SLC26A11: variants seen among roughly 807,000 people sequenced by gnomAD.
The protein encoded by SLC26A11 is solute carrier family 26 member 11, also known as sodium-independent sulfate anion transporter.
SLC26A11 carries 58 observed loss-of-function variants against 62.2 expected under a neutral mutation model. The ratio of observed to expected loss-of-function variants is 0.93; its 90% CI spans 0.76 to 1.16. The LOEUF is 1.16. SLC26A11 is among the 50% of genes most tolerant of loss of function. SLC26A11 has a pLI of 0.00. For missense variants in SLC26A11, 790 were observed against 794.3 expected, an observed-to-expected ratio of 0.99 and a Z score of 0.06; for synonymous variants, 411 against 368.9, an observed-to-expected ratio of 1.11 and a Z score of -1.31.
chr17:80,221,559 A>G lies in SLC26A11; in HGVS notation c.-2A>G, dbSNP rs752883092. On this transcript the variant is annotated 5_prime_UTR_variant, in exon 3 of 18. Coordinates refer to ENST00000361193, the MANE Select transcript of SLC26A11 (RefSeq NM_001166347.2). ...CCTGCACCCCCCAGCCCCACCGTAG[A>G]GATGCCTTCTTCGGTGACGGCGCTG... is the stretch of plus-strand genomic sequence containing the variant. 4 of 1,588,518 alleles carry G rather than the reference A, an allele frequency of 2.5e-6. No homozygotes were observed. Among genetic ancestry groups the G allele is most frequent in the Non-Finnish European group, 3.4e-6 (4 of 1,171,814 alleles).
chr17:80,237,682 C>T (rs1272430108), intron 9 of SLC26A11, 88 bp downstream of exon 9: 4 of 1,273,584 alleles, frequency 3.1e-6, no homozygotes, highest in Non-Finnish European at 4.4e-6. Context: ...TTATCCGTTA[C>T]TAGTTTTAGA....
In SLC26A11 at chr17:80,246,048, C is replaced by T. The variant is rs1358278103; in HGVS notation, c.1098-106C>T. On this transcript the variant is annotated intron_variant, in intron 11 of 17. Transcript: ENST00000361193. This position sits in a 1 kb window ranked among gnomAD's most constrained non-coding sequence, Gnocchi z 4.4. ...TGCAGTCCCCGCCTGCTTCCCAAGC[C>T]GTGCTGGGAGCTGACGTCCCCTCGG... is the stretch of plus-strand genomic sequence containing the variant. 2.0e-5 allele frequency: 27 copies of T among 1,370,786 alleles called. 1 individual carries two copies. Among genetic ancestry groups the T allele is most frequent in the Admixed American group, 1.5e-4 (9 of 58,698 alleles). The allele number at this position is 1,370,786 out of a possible 1,614,324, so 84.9% of individuals were successfully genotyped here.
chr17:80,241,755 C>T lies in SLC26A11; in HGVS notation c.986-16C>T, dbSNP rs548305934. The stretch of plus-strand genomic sequence containing the variant: ...TGAATATTACTGACCAGGTCTTTAC[C>T]GTTGGTTCCCTTTAGCATCTCAGAA... On this transcript the variant is annotated splice_polypyrimidine_tract_variant and intron_variant, in intron 9 of 17. Coordinates refer to ENST00000361193, the MANE Select transcript of SLC26A11 (RefSeq NM_001166347.2). The T allele has an allele frequency of 1.4e-5, 22 of 1,613,784 alleles. No homozygotes were observed. Among genetic ancestry groups the T allele is most frequent in the East Asian group, 6.7e-5 (3 of 44,898 alleles).
chr17:80,230,843 G>T lies in SLC26A11; in HGVS notation c.736+2883G>T, dbSNP rs549907810. Among the ~76,000 whole-genome samples the T allele has an allele frequency of 8.5e-5, 13 of 152,298 alleles. No individual in the cohort carries two copies. In the South Asian group the frequency reaches 1.9e-3, roughly 22 times the overall value. On this transcript the variant is annotated intron_variant, in intron 7 of 17. Transcript: ENST00000361193. Reference sequence around the variant, plus strand: ...CTTTTGATTCTTATAACAGCTTTGAGAATGAGTTTATTATTTTTTCCATTT... The same window carrying T: ...CTTTTGATTCTTATAACAGCTTTGATAATGAGTTTATTATTTTTTCCATTT...
intron 7 of SLC26A11, 161 bp from the exon 8 acceptor site, chr17:80,236,767 T>G: frequency 8.1e-6 from 6 of 742,844 alleles, no homozygotes; most frequent in Non-Finnish European, 1.3e-5. Context: ...CCACATAGCA[T>G]TTATGTCTGT....
At chr17:80,249,085 C>T in intron 15 of SLC26A11, 69 bp from the exon 16 acceptor site, 1 of 1,550,506 alleles carries the variant, frequency 6.4e-7, no homozygotes, top group Non-Finnish European at 8.7e-7. Flanking sequence ...CCAGAGCCTC[C>T]TTTGGCCTCT....
At chr17:80,233,768 G>C (rs9916806) in intron 7 of SLC26A11, among the ~76,000 whole-genome samples, 69,205 of 151,438 alleles carry the variant, frequency 0.46, 15,984 homozygotes, top group East Asian at 0.61. Context: ...TTGTAGAGAT[G>C]GTGTCTTCCT....
chr17:80,233,220 A>G (rs1017305259), intron 7 of SLC26A11, among the ~76,000 whole-genome samples: 1 of 151,834 alleles, frequency 6.6e-6, no homozygotes, highest in Non-Finnish European at 1.5e-5. Flanking sequence ...TGAAGCTGCA[A>G]ACTCCTGGGC....
chr17:80,224,368 TGA>T (rs1365328968), intron 5 of SLC26A11, among the ~76,000 whole-genome samples: 2 of 146,078 alleles, frequency 1.4e-5, no homozygotes, highest in African/African-American at 2.6e-5. Context: ...TGAGGGAGTG[TGA>T]GTGCGCGCGC....
chr17:80,246,109 T>C lies in SLC26A11; in HGVS notation c.1098-45T>C, dbSNP rs34818744. Reference sequence around the variant, plus strand: ...ACAGGAGTGTGGACTGAGGTCTCCCTTTTCCCGGCCCCTGGTGACTGACGG... The same window carrying C: ...ACAGGAGTGTGGACTGAGGTCTCCCCTTTCCCGGCCCCTGGTGACTGACGG... On this transcript the variant is annotated intron_variant, in intron 11 of 17. Transcript: ENST00000361193. The surrounding 1 kb of genome is among the most constrained non-coding windows in gnomAD (Gnocchi z 4.4). The C allele has an allele frequency of 0.26, 418,048 of 1,609,126 alleles. 55,844 individuals are homozygous for C. The highest frequency in any genetic ancestry group is 0.39 in the Admixed American group (23,470 of 59,958).
In SLC26A11 at chr17:80,228,646, A is replaced by G. The variant is rs1020280804; in HGVS notation, c.736+686A>G. Among the ~76,000 whole-genome samples, 3 of 152,224 alleles carry G rather than the reference A, an allele frequency of 2.0e-5. No individual in the cohort carries two copies. The highest frequency in any genetic ancestry group is 4.4e-5 in the Non-Finnish European group (3 of 68,046). On this transcript the variant is annotated intron_variant, in intron 7 of 17. Coordinates refer to ENST00000361193, the MANE Select transcript of SLC26A11 (RefSeq NM_001166347.2). This position sits in a 1 kb window ranked among gnomAD's most constrained non-coding sequence, Gnocchi z 4.1. The stretch of plus-strand genomic sequence containing the variant: ...GCGAGGAGGGGCCAGGAATGCCACT[A>G]AGCCCCTGACGGCGCACAGCCTTCC...
At chr17:80,233,594 T>TTA (rs2042616563) in intron 7 of SLC26A11, among the ~76,000 whole-genome samples, 1 of 151,678 alleles carries the variant, frequency 6.6e-6, no homozygotes, top group African/African-American at 2.4e-5. Context: ...ATTTTTTTTT[T>TTA]TTTATTTGAC....
chr17:80,246,451 G>A lies in SLC26A11; in HGVS notation c.1154-58G>A, dbSNP rs565984961. 6.3e-5 allele frequency: 100 copies of A among 1,597,730 alleles called. No individual in the cohort carries two copies. In the African/African-American group the frequency reaches 1.1e-3, roughly 17 times the overall value. On this transcript the variant is annotated intron_variant, in intron 12 of 17. Coordinates refer to ENST00000361193, the MANE Select transcript of SLC26A11 (RefSeq NM_001166347.2). This position sits in a 1 kb window ranked among gnomAD's most constrained non-coding sequence, Gnocchi z 4.4. The stretch of plus-strand genomic sequence containing the variant: ...GCTCTGCTGAACAAGAGGCTGCTAC[G>A]CTGCGTGCTGGGGGGACCCTGCACT...
chr17:80,220,814 G>T (rs1166123387), intron 1 of SLC26A11, 102 bp from the exon 2 acceptor site: 1 of 153,406 alleles, frequency 6.5e-6, no homozygotes, highest in African/African-American at 2.4e-5. Context: ...GGCCGGGGGC[G>T]TGGGGGGCTG....
rs761465147 is a variant in SLC26A11 at position 80,248,589 on chromosome 17, G to T, written c.1437G>T (p.Pro479=). The change falls in exon 15 of 18, where the codon CCG becomes CCT. Residue 479 remains proline, a synonymous_variant. Transcript: ENST00000361193. ...CCTCCCCACAGGTGTCAGAGGGGCC[G>T]GTTCTGGTCCTGCAGCCGGCCAGCG... ...ARPETKVSEG[P]VLVLQPASGL... The T allele has an allele frequency of 6.3e-7, 1 of 1,584,634 alleles. No homozygotes were observed. Among genetic ancestry groups the T allele is most frequent in the South Asian group, 1.2e-5 (1 of 86,642 alleles).
intron 9 of SLC26A11, among the ~76,000 whole-genome samples, chr17:80,239,922 C>T (rs1242982982): frequency 2.0e-5 from 3 of 152,232 alleles, no homozygotes; most frequent in African/African-American, 2.4e-5. Flanking sequence ...TCAGTTGGAG[C>T]GTGGCTGTGC....
chr17:80,222,778 C>T lies in SLC26A11; in HGVS notation c.358C>T (p.Pro120Ser). 1 of 1,614,200 alleles carries T rather than the reference C, an allele frequency of 6.2e-7. No homozygotes were observed. Residue 120 changes from proline to serine, a missense_variant, in exon 4 of 18, where the codon CCC becomes TCC. Transcript: ENST00000361193. The surrounding 1 kb of genome is among the most constrained non-coding windows in gnomAD (Gnocchi z 4.7). The part of the protein sequence containing the change: ...LLVSFYTFHE[P>S]AYAVLLAFLS... The stretch of plus-strand genomic sequence containing the variant: ...GGTCTCCTTCTACACCTTCCATGAG[C>T]CCGCCTACGCTGTGCTGCTGGCCTT...
At chr17:80,231,034 A>AG (rs138348428) in intron 7 of SLC26A11, among the ~76,000 whole-genome samples, 68,925 of 150,566 alleles carry the variant, frequency 0.46, 15,687 homozygotes, top group East Asian at 0.61. Context: ...TCAAAGAACC[A>AG]CCTTTGGTTT....
Position 80,227,934 on chromosome 17 carries a change from G to A in SLC26A11, c.710G>A (p.Arg237His), listed in dbSNP as rs144498025. Reference protein sequence around the residue: ...PEMPPGVRLSRGLVWAATTAR... With the variant: ...PEMPPGVRLSHGLVWAATTAR... ...ATGCCCCCTGGTGTGCGGCTCAGCC[G>A]TGGGCTGGTCTGGGCTGCCACGACA... Residue 237 changes from arginine (R) to histidine (H), a missense_variant, in exon 7 of 18, where the codon CGT (arginine) becomes CAT (histidine). Coordinates refer to ENST00000361193, the MANE Select transcript of SLC26A11 (RefSeq NM_001166347.2). 12 of 1,600,642 alleles carry A rather than the reference G, an allele frequency of 7.5e-6. No individual in the cohort carries two copies. The highest frequency in any genetic ancestry group is 3.3e-5 in the Admixed American group (2 of 59,962).
Sources: gnomAD v4.1 joint callset for allele counts (sites outside exome capture counted in the v4.1 genomes callset) on GRCh38, gnomAD v4.1.1 for gene constraint, Gnocchi (gnomAD v3.1) non-coding constraint, MANE v1.5 for transcripts, NCBI Gene and HGNC (gene_info 2026-07-23, HGNC 2026-07-21) for gene names.